The following PKIB variants were observed in gnomAD, a reference collection of about 807,000 sequenced individuals.
PKIB encodes cAMP-dependent protein kinase inhibitor beta, also known as PKI-beta.
In PKIB, 2 loss-of-function variants were observed where a neutral mutation model predicts 4.5. That is an observed-to-expected ratio of 0.44 (90% CI 0.18 to 1.39). PKIB has a LOEUF of 1.39. PKIB is among the 40% of genes most tolerant of loss of function. The pLI is 0.27. For missense variants in PKIB, 94 were observed against 92.6 expected (o/e 1.02, Z -0.06); for synonymous variants, 38 against 36.0 (o/e 1.06, Z -0.20).
rs1022706168 is a variant in PKIB, at chr6:122,549,993, C to T, written c.-247-35928C>T. On this transcript the variant is annotated intron_variant, in intron 2 of 6. Transcript: ENST00000392491. ...GCAGTGGCACCATCTCAGCTCACTG[C>T]AACCTCTGCCTCCTGGGTTCAAGTC... Among the ~76,000 whole-genome samples the T allele has an allele frequency of 4.1e-4, 63 of 151,912 alleles. 1 individual carries two copies. The highest frequency in any genetic ancestry group is 1.3e-3 in the African/African-American group (54 of 41,456).
At chr6:122,718,845 T>C (rs1421918748) in intron 4 of PKIB, among the ~76,000 whole-genome samples, 1 of 152,148 alleles carries the variant, frequency 6.6e-6, no homozygotes, top group Non-Finnish European at 1.5e-5. Flanking sequence ...GAAATAGTTA[T>C]ATCCTTGTAG....
intron 3 of PKIB, among the ~76,000 whole-genome samples, chr6:122,701,818 C>T (rs1778821404): frequency 6.6e-6 from 1 of 152,184 alleles, no homozygotes; most frequent in Non-Finnish European, 1.5e-5. Flanking sequence ...ACACCCAACA[C>T]TGGACAGATG....
rs147009422 is a variant in PKIB, at chr6:122,674,783, A to G, written c.-75-295A>G. ...TGTAATGATCAGTTGTTTTTACACG[A>G]TGATTTCTCAACCTGGCAATGATCC... On this transcript the variant is annotated intron_variant, in intron 2 of 4. Coordinates refer to ENST00000368452, the MANE Select transcript of PKIB (RefSeq NM_181795.3). Among the ~76,000 whole-genome samples, 4 of 152,308 alleles carry G rather than the reference A, an allele frequency of 2.6e-5. No homozygotes were observed. The East Asian group carries it at 7.7e-4, about 29-fold the overall frequency.
intron 2 of PKIB, among the ~76,000 whole-genome samples, chr6:122,486,408 T>C (rs752723224): frequency 6.6e-6 from 1 of 152,134 alleles, no homozygotes; most frequent in Non-Finnish European, 1.5e-5. Flanking sequence ...ATTCCAACCA[T>C]AGTTGCTTGA....
intron 2 of PKIB, among the ~76,000 whole-genome samples, chr6:122,496,302 A>G (rs1776074881): frequency 6.6e-6 from 1 of 152,206 alleles, no homozygotes; most frequent in African/African-American, 2.4e-5. Flanking sequence ...TGAAAGAACT[A>G]GTATAAGAAT....
intron 2 of PKIB, among the ~76,000 whole-genome samples, chr6:122,563,353 T>C (rs1562252611): frequency 6.6e-6 from 1 of 152,158 alleles, no homozygotes; most frequent in African/African-American, 2.4e-5. Context: ...TCAGTGCCTG[T>C]TCTGGTGGAG....
At chr6:122,593,395 C>T (rs890289407) in intron 3 of PKIB, among the ~76,000 whole-genome samples, 4 of 152,092 alleles carry the variant, frequency 2.6e-5, no homozygotes, top group Non-Finnish European at 5.9e-5. Context: ...GAAATGGAGA[C>T]ATTCATTAAT....
intron 3 of PKIB, among the ~76,000 whole-genome samples, chr6:122,598,075 T>G (rs938005471): frequency 6.6e-6 from 1 of 152,180 alleles, no homozygotes; most frequent in South Asian, 2.1e-4. Flanking sequence ...GGGAGAAAGA[T>G]TCACTGCATA....
intron 2 of PKIB, among the ~76,000 whole-genome samples, chr6:122,670,684 A>G (rs1777428580): frequency 6.6e-6 from 1 of 152,200 alleles, no homozygotes; most frequent in African/African-American, 2.4e-5. Flanking sequence ...AGTACTTACT[A>G]TGTGTCAGGC....
intron 1 of PKIB, among the ~76,000 whole-genome samples, chr6:122,626,552 A>T (rs1775452776): frequency 6.6e-6 from 1 of 152,226 alleles, no homozygotes; most frequent in African/African-American, 2.4e-5. Flanking sequence ...AGCTTCACAG[A>T]AGATGCGGCA....
intron 2 of PKIB, among the ~76,000 whole-genome samples, chr6:122,647,380 A>G (rs1776367315): frequency 1.3e-5 from 2 of 152,228 alleles, no homozygotes; most frequent in African/African-American, 2.4e-5. Flanking sequence ...TGGGGACTAT[A>G]GACTAGTCAG....
At chr6:122,500,879 A>G (rs1776211367) in intron 2 of PKIB, among the ~76,000 whole-genome samples, 1 of 152,184 alleles carries the variant, frequency 6.6e-6, no homozygotes, top group Admixed American at 6.5e-5. Flanking sequence ...TTCATATAGT[A>G]GAGCAGGAGA....
chr6:122,494,989 T>C (rs928748106), intron 2 of PKIB, among the ~76,000 whole-genome samples: 1 of 152,186 alleles, frequency 6.6e-6, no homozygotes, highest in Admixed American at 6.5e-5. Flanking sequence ...CCAGAGGACT[T>C]GGACCCTTGG....
intron 2 of PKIB, among the ~76,000 whole-genome samples, chr6:122,510,732 T>C (rs2114579713): frequency 6.6e-6 from 1 of 152,280 alleles, no homozygotes; most frequent in Non-Finnish European, 1.5e-5. Flanking sequence ...TTTTATGAAG[T>C]GTCCCCAATT....
chr6:122,600,008 T>C, intron 3 of PKIB, among the ~76,000 whole-genome samples: 1 of 143,156 alleles, frequency 7.0e-6, no homozygotes, highest in East Asian at 2.0e-4. Flanking sequence ...TATATCTATA[T>C]CTATATCTAT....
At chr6:122,509,880 G>A (rs1193120898) in intron 2 of PKIB, among the ~76,000 whole-genome samples, 1 of 151,704 alleles carries the variant, frequency 6.6e-6, no homozygotes. Flanking sequence ...GCAAGTCTGA[G>A]TCAATCCTAC....
chr6:122,511,080 A>C (rs961169389), intron 2 of PKIB, among the ~76,000 whole-genome samples: 11 of 152,320 alleles, frequency 7.2e-5, no homozygotes, highest in East Asian at 5.8e-4. Flanking sequence ...CCTGATCATT[A>C]GACTCCTTTC....
At chr6:122,489,286 TGCCCAGGCTGGAGTGCA>T (rs1484818812) in intron 2 of PKIB, among the ~76,000 whole-genome samples, 1 of 151,962 alleles carries the variant, frequency 6.6e-6, no homozygotes, top group Non-Finnish European at 1.5e-5. Flanking sequence ...CTTGCTTTGT[TGCCCAGGCTGGAGTGCA>T]GTGGTACAGT....
intron 2 of PKIB, among the ~76,000 whole-genome samples, chr6:122,669,659 A>T (rs1365367769): frequency 1.3e-5 from 2 of 151,954 alleles, no homozygotes; most frequent in African/African-American, 4.8e-5. Context: ...CCAGGCCCAT[A>T]CTTTCAGCTC....
Sources: allele counts gnomAD v4.1 joint callset (sites outside exome capture counted in the v4.1 genomes callset), GRCh38; gene constraint gnomAD v4.1.1; transcripts MANE v1.5; gene names NCBI Gene and HGNC (gene_info 2026-07-23, HGNC 2026-07-21).